The following WDR64 variants were observed in gnomAD, a reference collection of about 807,000 sequenced individuals.
WDR64 encodes WD repeat domain 64.
In WDR64, 112 loss-of-function variants were observed where a neutral mutation model predicts 139.3. The ratio of observed to expected loss-of-function variants is 0.80; its 90% CI spans 0.69 to 0.94. WDR64 has a LOEUF of 0.94. WDR64 is among the 40% of genes least tolerant of loss of function. The probability of loss-of-function intolerance (pLI) is 0.00; values close to 1 mark genes in which losing one functional copy is unlikely to be tolerated. For missense variants in WDR64, 1,206 were observed against 1,293.1 expected, an observed-to-expected ratio of 0.93 and a Z score of 1.03; for synonymous variants, 444 against 437.7, an observed-to-expected ratio of 1.01 and a Z score of -0.18.
intron 27 of WDR64, among the ~76,000 whole-genome samples, chr1:241,797,854 T>G (rs1553383388): frequency 5.9e-5 from 9 of 152,206 alleles, no homozygotes; most frequent in Non-Finnish European, 2.9e-5. Context: ...TGCACGACTC[T>G]GTGCATTAGG....
intron 1 of WDR64, 57 bp downstream of exon 1, chr1:241,652,686 T>C: frequency 1.3e-6 from 2 of 1,530,244 alleles, no homozygotes; most frequent in South Asian, 1.3e-5. Flanking sequence ...AACTGGAAAA[T>C]GTTTTAAGCC....
chr1:241,769,286 T>G (rs915903735), intron 16 of WDR64, 118 bp from the exon 17 acceptor site: 3 of 760,644 alleles, frequency 3.9e-6, no homozygotes, highest in Non-Finnish European at 6.2e-6. Context: ...TTTCTTTTCA[T>G]GTTCAATAAT....
chr1:241,777,498 A>G (rs1302309382), intron 21 of WDR64, among the ~76,000 whole-genome samples: 1 of 150,964 alleles, frequency 6.6e-6, no homozygotes, highest in East Asian at 1.9e-4. Context: ...GCTCACCCCA[A>G]TCTTCGCCTC....
intron 8 of WDR64, among the ~76,000 whole-genome samples, chr1:241,705,403 A>G (rs560410271): frequency 6.1e-4 from 93 of 151,714 alleles, no homozygotes; most frequent in South Asian, 4.8e-3. Context: ...ATAGCAGGGC[A>G]TGGTGGCGGG....
At chr1:241,797,074 G>T (rs1427674499) in intron 27 of WDR64, among the ~76,000 whole-genome samples, 2 of 152,092 alleles carry the variant, frequency 1.3e-5, no homozygotes, top group South Asian at 2.1e-4. Flanking sequence ...TTAGCTGCAA[G>T]AATTTTTCTA....
intron 7 of WDR64, 118 bp from the exon 8 acceptor site, chr1:241,687,343 G>T: frequency 9.0e-5 from 91 of 1,011,522 alleles, no homozygotes; most frequent in Non-Finnish European, 1.1e-4. Context: ...GCATTGGGCT[G>T]TATTCTACAT....
At chr1:241,782,427 C>A (rs1403176573) in intron 22 of WDR64, among the ~76,000 whole-genome samples, 1 of 152,164 alleles carries the variant, frequency 6.6e-6, no homozygotes, top group Non-Finnish European at 1.5e-5. Flanking sequence ...AGAAGACTCG[C>A]AGGAGAACTC....
chr1:241,667,667 G>A (rs1666072520), intron 2 of WDR64, among the ~76,000 whole-genome samples: 1 of 152,040 alleles, frequency 6.6e-6, no homozygotes, highest in Admixed American at 6.6e-5. Flanking sequence ...AGGAGCTAAG[G>A]GCAGTACAAG....
chr1:241,672,044 G>A (rs1666251807), intron 3 of WDR64, among the ~76,000 whole-genome samples: 3 of 152,036 alleles, frequency 2.0e-5, no homozygotes, highest in Admixed American at 2.0e-4. Context: ...CCATGGTGGT[G>A]TGCACCTGTA....
chr1:241,730,058 T>C (rs1302755101), intron 10 of WDR64, among the ~76,000 whole-genome samples: 1 of 152,090 alleles, frequency 6.6e-6, no homozygotes, highest in Non-Finnish European at 1.5e-5. Flanking sequence ...AAATATACTA[T>C]GTATTATAAA....
At chr1:241,706,401 C>T (rs1287549862) in intron 8 of WDR64, among the ~76,000 whole-genome samples, 1 of 152,224 alleles carries the variant, frequency 6.6e-6, no homozygotes, top group Admixed American at 6.5e-5. Context: ...AAATAATGCC[C>T]TTCCTGGTTT....
At chr1:241,747,726 G>A (rs1289571886) in intron 13 of WDR64, among the ~76,000 whole-genome samples, 2 of 152,118 alleles carry the variant, frequency 1.3e-5, no homozygotes, top group Non-Finnish European at 2.9e-5. Flanking sequence ...TTGAACCTAT[G>A]CGAGAATCGA....
intron 10 of WDR64, among the ~76,000 whole-genome samples, chr1:241,724,442 G>C (rs1668724011): frequency 6.6e-6 from 1 of 152,146 alleles, no homozygotes; most frequent in Non-Finnish European, 1.5e-5. Context: ...AGGAGAAAAT[G>C]CAGGAATTAG....
intron 10 of WDR64, among the ~76,000 whole-genome samples, chr1:241,730,040 G>C (rs1224960851): frequency 6.6e-6 from 1 of 151,994 alleles, no homozygotes; most frequent in Non-Finnish European, 1.5e-5. Context: ...AAATTTTCTG[G>C]GGAAGACAAA....
At chr1:241,776,455 T>C (rs1479102492) in intron 21 of WDR64, among the ~76,000 whole-genome samples, 1 of 152,218 alleles carries the variant, frequency 6.6e-6, no homozygotes, top group African/African-American at 2.4e-5. Flanking sequence ...TTATTGATAA[T>C]AATTGTCTAT....
chr1:241,696,237 G>A (rs1667482485), intron 8 of WDR64, among the ~76,000 whole-genome samples: 2 of 144,138 alleles, frequency 1.4e-5, no homozygotes, highest in Non-Finnish European at 3.0e-5. Flanking sequence ...TCCTTTCTCT[G>A]ACCTCCTCTT....
intron 20 of WDR64, among the ~76,000 whole-genome samples, chr1:241,774,904 C>T (rs1171462878): frequency 1.3e-5 from 2 of 151,982 alleles, no homozygotes; most frequent in Non-Finnish European, 2.9e-5. Context: ...GTTGTCCATA[C>T]CTTTAGTATA....
chr1:241,750,958 A>C (rs1669955696), intron 14 of WDR64, among the ~76,000 whole-genome samples: 1 of 152,212 alleles, frequency 6.6e-6, no homozygotes, highest in Non-Finnish European at 1.5e-5. Flanking sequence ...TATAATGTTG[A>C]AAGTATCCTT....
rs1312286046 is a variant in WDR64, at chr1:241,795,225, G to A, written c.3016G>A (p.Glu1006Lys). The change falls in exon 26 of 28, where the codon GAA becomes AAA. Residue 1006 changes from glutamate (E) to lysine (K), a missense_variant. By Grantham distance (56) the Glu-to-Lys change is moderately conservative. Coordinates refer to ENST00000437684, the MANE Select transcript of WDR64 (RefSeq NM_001367482.1). Reference protein sequence around the residue: ...SSPKIRRYPLEGFVTENREAG... With the variant: ...SSPKIRRYPLKGFVTENREAG... ...TTTGCAGATTCGAAGATATCCCTTG[G>A]AAGGTTTCGTGACTGAAAACAGAGA... 2 of 1,613,844 alleles carry A rather than the reference G, an allele frequency of 1.2e-6. No homozygotes were observed. Among genetic ancestry groups the A allele is most frequent in the East Asian group, 2.2e-5 (1 of 44,824 alleles).
Sources: allele counts gnomAD v4.1 joint callset (sites outside exome capture counted in the v4.1 genomes callset), GRCh38; gene constraint gnomAD v4.1.1; transcripts MANE v1.5; gene names NCBI Gene and HGNC (gene_info 2026-07-23, HGNC 2026-07-21).